The following PPFIBP1 variants were observed in gnomAD, a reference collection of about 807,000 sequenced individuals.
PPFIBP1 encodes PPFIB scaffold protein 1, also known as liprin-beta-1.
A neutral mutation model predicts 137.8 loss-of-function variants in PPFIBP1; 112 were observed. The observed-to-expected ratio is 0.81, with a 90% CI of 0.70 to 0.95. The LOEUF (loss-of-function observed/expected upper bound fraction) is 0.95, where lower values mean the gene tolerates loss of function less well. PPFIBP1 is among the 40% of genes least tolerant of loss of function. The pLI, the probability that PPFIBP1 is intolerant of heterozygous loss-of-function variation, is 0.00. For synonymous variants in PPFIBP1, 378 were observed against 417.3 expected, an observed-to-expected ratio of 0.91 and a Z score of 1.15; for missense variants, 1,083 against 1,196.6, an observed-to-expected ratio of 0.91 and a Z score of 1.40.
chr12:27,691,646 A>G, intron 27 of PPFIBP1, 103 bp from the exon 28 acceptor site: 1 of 783,250 alleles, frequency 1.3e-6, no homozygotes, highest in Admixed American at 2.6e-5. Context: ...TTATACATAT[A>G]GGAGGGAGGG....
At position 27,653,906 on chromosome 12, in the gene PPFIBP1, A is replaced by G. The variant is rs1217170593; in HGVS notation, c.604-816A>G. Reference sequence around the variant, plus strand: ...CATTTTCTAATGATAAAATTAGGTGAACTGCAGGGCCCTCATCCACTTTCC... The same window carrying G: ...CATTTTCTAATGATAAAATTAGGTGGACTGCAGGGCCCTCATCCACTTTCC... On this transcript the variant is annotated intron_variant, in intron 7 of 29. Transcript: ENST00000228425. Among the ~76,000 whole-genome samples the G allele has an allele frequency of 3.3e-5, 5 of 152,184 alleles. No homozygotes were observed. The East Asian group carries it at 7.7e-4, about 23-fold the overall frequency.
At chr12:27,530,506 G>T (rs1485164712) in intron 1 of PPFIBP1, among the ~76,000 whole-genome samples, 1 of 152,352 alleles carries the variant, frequency 6.6e-6, no homozygotes, top group Non-Finnish European at 1.5e-5. Flanking sequence ...ACTAAACACA[G>T]AATTAAGTTT....
rs975694939 is a variant in PPFIBP1, at chr12:27,694,646, C to G, written c.*1764C>G. 2.6e-5 allele frequency: 4 copies of G among 152,148 alleles called. No individual in the cohort carries two copies. The highest frequency in any genetic ancestry group is 7.2e-5 in the African/African-American group (3 of 41,440). 9.4% of individuals were successfully genotyped at this position (152,148 alleles called of 1,614,324 possible). A position where few individuals can be genotyped will look rare whatever the true frequency, so the allele number is the denominator to read the frequency against. On this transcript the variant is annotated 3_prime_UTR_variant, in exon 30 of 30. Transcript: ENST00000228425. The stretch of plus-strand genomic sequence containing the variant: ...TCATGTTTTTCTGTAGCACTGGGCC[C>G]AAATATTCTTTGTAAAGAAAATCGC...
At chr12:27,593,126 T>C (rs2052726903) in intron 2 of PPFIBP1, among the ~76,000 whole-genome samples, 1 of 34,234 alleles carries the variant, frequency 2.9e-5, no homozygotes, top group African/African-American at 9.7e-5. Context: ...AGAAAGAATG[T>C]CTCAAAAAAA....
At position 27,528,423 on chromosome 12, in the gene PPFIBP1, T is replaced by G. The variant is rs114780608; in HGVS notation, c.-124+4058T>G. 6.8e-3 allele frequency among the ~76,000 whole-genome samples: 1,029 copies of G among 152,246 alleles called. 14 individuals carry two copies. Among genetic ancestry groups the G allele is most frequent in the African/African-American group, 0.023 (970 of 41,552 alleles). On this transcript the variant is annotated intron_variant, in intron 1 of 29. Coordinates refer to ENST00000228425, the MANE Select transcript of PPFIBP1 (RefSeq NM_003622.4). Reference sequence around the variant, plus strand: ...GTGTTATGTCAGTTATTTTTCAAATTTATTGCAGTGCACGTCAGAACCTTC... The same window carrying G: ...GTGTTATGTCAGTTATTTTTCAAATGTATTGCAGTGCACGTCAGAACCTTC...
At position 27,692,840 on chromosome 12, in the gene PPFIBP1, T is replaced by A; in HGVS notation, c.2976T>A (p.Arg992=). The A allele has an allele frequency of 6.2e-7, 1 of 1,614,156 alleles. No individual in the cohort carries two copies. The highest frequency in any genetic ancestry group is 1.1e-5 in the South Asian group (1 of 91,076). The part of the protein sequence containing the change: ...EDDMFKDFAA[R]SPSASITDED... ...ACATGTTTAAAGATTTTGCTGCCCG[T>A]TCCCCCAGTGCCAGCATTACAGATG... The change falls in exon 30 of 30, where the codon CGT becomes CGA. Residue 992 remains arginine, a synonymous_variant. Coordinates refer to ENST00000228425, the MANE Select transcript of PPFIBP1 (RefSeq NM_003622.4).
rs1157873478 is a variant in PPFIBP1, at chr12:27,578,233, TA to T, written c.-37del. On this transcript the variant is annotated 5_prime_UTR_variant, in exon 2 of 30. Transcript: ENST00000228425. ...ATAAATCAGCTTTAAACCTGCTTTT[TA>T]AAAATGTAAGTGAACTCACTTCTGG... 4 of 152,224 alleles carry T rather than the reference TA, an allele frequency of 2.6e-5. No individual in the cohort carries two copies. Among genetic ancestry groups the T allele is most frequent in the Admixed American group, 2.6e-4 (4 of 15,282 alleles). 9.4% of individuals were successfully genotyped at this position (152,224 alleles called of 1,614,324 possible). A position where few individuals can be genotyped will look rare whatever the true frequency, so the allele number is the denominator to read the frequency against.
intron 2 of PPFIBP1, among the ~76,000 whole-genome samples, chr12:27,631,072 A>G (rs1489242478): frequency 6.6e-6 from 1 of 152,142 alleles, no homozygotes; most frequent in East Asian, 1.9e-4. Flanking sequence ...GGTTCTATGA[A>G]TTCATATTCT....
At chr12:27,622,218 T>G (rs1269586370) in intron 2 of PPFIBP1, among the ~76,000 whole-genome samples, 1 of 152,192 alleles carries the variant, frequency 6.6e-6, no homozygotes, top group African/African-American at 2.4e-5. Context: ...GGCTGCAGTT[T>G]CCAATCAGAG....
chr12:27,683,871 T>A (rs2061034047), intron 24 of PPFIBP1, among the ~76,000 whole-genome samples: 1 of 152,124 alleles, frequency 6.6e-6, no homozygotes, highest in Non-Finnish European at 1.5e-5. Context: ...CACTGCAACC[T>A]CCCTCTCCTG....
chr12:27,629,119 C>T (rs1202120365), intron 2 of PPFIBP1, among the ~76,000 whole-genome samples: 1 of 152,216 alleles, frequency 6.6e-6, no homozygotes, highest in African/African-American at 2.4e-5. Context: ...GCACCAATTA[C>T]ATCTGCCTCA....
intron 2 of PPFIBP1, among the ~76,000 whole-genome samples, chr12:27,579,340 C>A (rs2050857837): frequency 1.3e-5 from 2 of 152,242 alleles, no homozygotes; most frequent in Admixed American, 1.3e-4. Flanking sequence ...GTGCACACAT[C>A]ATTAAGTGGA....
At chr12:27,533,629 A>G (rs529014970) in intron 1 of PPFIBP1, among the ~76,000 whole-genome samples, 1 of 152,350 alleles carries the variant, frequency 6.6e-6, no homozygotes, top group East Asian at 1.9e-4. Flanking sequence ...TGAAGATGTT[A>G]AGCAAGAATT....
At chr12:27,689,257 G>A (rs891295492) in intron 27 of PPFIBP1, 54 bp downstream of exon 27, 2 of 1,473,116 alleles carry the variant, frequency 1.4e-6, no homozygotes, top group East Asian at 2.4e-5. Flanking sequence ...GCAACGTTTT[G>A]TCGGTTACCT....
chr12:27,693,359 T>C lies in PPFIBP1; in HGVS notation c.*477T>C, dbSNP rs2061655827. 1 of 153,352 alleles carries C rather than the reference T, an allele frequency of 6.5e-6. No individual in the cohort carries two copies. The highest frequency in any genetic ancestry group is 1.5e-5 in the Non-Finnish European group (1 of 68,652). 9.5% of individuals were successfully genotyped at this position (153,352 alleles called of 1,614,324 possible). The stretch of plus-strand genomic sequence containing the variant: ...AGCCACACCTCCACTTGCCTCTTAT[T>C]GTCTTATTTTTATATATTTTTCTAA... On this transcript the variant is annotated 3_prime_UTR_variant, in exon 30 of 30. Coordinates refer to ENST00000228425, the MANE Select transcript of PPFIBP1 (RefSeq NM_003622.4).
chr12:27,634,347 C>T (rs563617130), intron 3 of PPFIBP1, among the ~76,000 whole-genome samples: 1 of 152,234 alleles, frequency 6.6e-6, no homozygotes, highest in Admixed American at 6.5e-5. Context: ...TGTTTACCTT[C>T]CCAATTCTTT....
At position 27,688,345 on chromosome 12, in the gene PPFIBP1, G is replaced by T. The variant is rs957627188; in HGVS notation, c.2418G>T (p.Val806=). ...TTCAGAAGTGGACTAACCATCGAGT[G>T]ATGGAGTGGCTGCGCTCCGTGGACT... The part of the protein sequence containing the change: ...SEVQKWTNHR[V]MEWLRSVDLA... Residue 806 remains valine (V), a synonymous_variant, in exon 26 of 30, where the codon GTG becomes GTT. Coordinates refer to ENST00000228425, the MANE Select transcript of PPFIBP1 (RefSeq NM_003622.4). 4 of 1,614,048 alleles carry T rather than the reference G, an allele frequency of 2.5e-6. No homozygotes were observed. The highest frequency in any genetic ancestry group is 3.4e-6 in the Non-Finnish European group (4 of 1,180,002).
chr12:27,600,360 CG>C (rs779105945), intron 2 of PPFIBP1, among the ~76,000 whole-genome samples: 12 of 151,156 alleles, frequency 7.9e-5, no homozygotes, highest in Non-Finnish European at 1.8e-4. Context: ...CACTTGAACC[CG>C]GGAGGCAGAA....
intron 1 of PPFIBP1, among the ~76,000 whole-genome samples, chr12:27,542,784 G>A (rs556225420): frequency 3.9e-4 from 59 of 152,176 alleles, no homozygotes; most frequent in African/African-American, 1.3e-3. Context: ...AGAGAATTGC[G>A]TGATGACTCC....
Sources: gnomAD v4.1 joint callset for allele counts (sites outside exome capture counted in the v4.1 genomes callset) on GRCh38, gnomAD v4.1.1 for gene constraint, MANE v1.5 for transcripts, NCBI Gene and HGNC (gene_info 2026-07-23, HGNC 2026-07-21) for gene names.